Variants in ELMO1 observed in about 807,000 individuals in gnomAD.
ELMO1 encodes the protein engulfment and cell motility 1, also known as engulfment and cell motility protein 1.
Under a neutral mutation model 98.9 loss-of-function variants are expected in ELMO1, and 26 were observed. The observed-to-expected ratio is 0.26, with a 90% CI of 0.19 to 0.36. ELMO1 has a LOEUF of 0.36. Ranked by LOEUF, ELMO1 falls within the 10% of genes least tolerant of loss-of-function variation. The pLI is 1.00. For missense variants in ELMO1, 627 were observed against 935.2 expected, an observed-to-expected ratio of 0.67 and a Z score of 4.30; for synonymous variants, 346 against 346.0, an observed-to-expected ratio of 1.00 and a Z score of 0.00.
chr7:37,221,677 A>G (rs1294540902), intron 10 of ELMO1, among the ~76,000 whole-genome samples: 1 of 151,638 alleles, frequency 6.6e-6, no homozygotes, highest in African/African-American at 2.4e-5. Flanking sequence ...CCATGTATGT[A>G]TATTAAGGGG....
At chr7:37,103,366 A>G (rs73690296) in intron 14 of ELMO1, among the ~76,000 whole-genome samples, 10,154 of 152,164 alleles carry the variant, frequency 0.067, 383 homozygotes, top group Middle Eastern at 0.13. Flanking sequence ...AAGTTCTTTT[A>G]GCATCTCTTT....
intron 1 of ELMO1, among the ~76,000 whole-genome samples, chr7:37,408,223 G>C (rs1803853357): frequency 6.6e-6 from 1 of 152,186 alleles, no homozygotes; most frequent in Admixed American, 6.5e-5. Flanking sequence ...GCCTGGCAGA[G>C]GTTTAATTCT....
intron 5 of ELMO1, among the ~76,000 whole-genome samples, chr7:37,264,842 A>T (rs1796160343): frequency 6.6e-6 from 1 of 152,160 alleles, no homozygotes; most frequent in African/African-American, 2.4e-5. Flanking sequence ...CTCTCTCTTG[A>T]AGATACAAGT....
intron 11 of ELMO1, among the ~76,000 whole-genome samples, chr7:37,214,924 T>C (rs181024220): frequency 6.6e-6 from 1 of 152,192 alleles, no homozygotes; most frequent in Non-Finnish European, 1.5e-5. Context: ...ATGCCACTCA[T>C]ATCTCAGGGC....
intron 15 of ELMO1, among the ~76,000 whole-genome samples, chr7:37,076,622 T>C (rs1160153934): frequency 6.6e-6 from 1 of 152,202 alleles, no homozygotes; most frequent in South Asian, 2.1e-4. Context: ...TGATTCTAAC[T>C]TTTCCTCAAG....
chr7:37,271,795 A>T (rs1212480426), intron 5 of ELMO1, 37 bp downstream of exon 5: 1 of 1,606,856 alleles, frequency 6.2e-7, no homozygotes, highest in Non-Finnish European at 8.5e-7. Flanking sequence ...CGCAGAGCAA[A>T]GAGTTTGCTG....
intron 1 of ELMO1, among the ~76,000 whole-genome samples, chr7:37,381,598 A>G (rs1802584363): frequency 6.6e-6 from 1 of 152,248 alleles, no homozygotes; most frequent in Admixed American, 6.5e-5. Context: ...AGACCATAAG[A>G]TTAACATAAA....
At chr7:37,444,605 C>T (rs1258961661) in intron 1 of ELMO1, among the ~76,000 whole-genome samples, 3 of 152,078 alleles carry the variant, frequency 2.0e-5, no homozygotes, top group Admixed American at 6.5e-5. Flanking sequence ...CTCTGCCTCC[C>T]GGGTTCACTC....
intron 2 of ELMO1, among the ~76,000 whole-genome samples, chr7:37,330,918 T>C (rs1289181747): frequency 2.6e-5 from 4 of 152,168 alleles, no homozygotes; most frequent in Non-Finnish European, 5.9e-5. Context: ...ACCATGATAG[T>C]TGATCTGATA....
At chr7:37,442,600 A>G (rs1805455569) in intron 1 of ELMO1, among the ~76,000 whole-genome samples, 1 of 152,232 alleles carries the variant, frequency 6.6e-6, no homozygotes, top group Non-Finnish European at 1.5e-5. Context: ...CAATATCATG[A>G]GGTTGGCTGA....
chr7:37,408,148 T>C (rs1383800601), intron 1 of ELMO1, among the ~76,000 whole-genome samples: 3 of 152,146 alleles, frequency 2.0e-5, no homozygotes, highest in Non-Finnish European at 4.4e-5. Flanking sequence ...ACTAAAGAAA[T>C]AGCTATCATG....
chr7:37,374,269 A>T (rs925068155), intron 1 of ELMO1, among the ~76,000 whole-genome samples: 1 of 152,172 alleles, frequency 6.6e-6, no homozygotes, highest in Non-Finnish European at 1.5e-5. Context: ...AGAGAAGGAG[A>T]GGGGAGGCTG....
intron 15 of ELMO1, among the ~76,000 whole-genome samples, chr7:37,095,232 C>T (rs772638661): frequency 6.6e-6 from 1 of 152,224 alleles, no homozygotes; most frequent in Non-Finnish European, 1.5e-5. Flanking sequence ...TTCCAGCCAG[C>T]AACTTTCACC....
intron 14 of ELMO1, among the ~76,000 whole-genome samples, chr7:37,099,716 C>A (rs1349749277): frequency 1.3e-5 from 2 of 152,132 alleles, no homozygotes; most frequent in Admixed American, 6.5e-5. Context: ...CAATTGATTT[C>A]CAACAAGTCC....
intron 1 of ELMO1, among the ~76,000 whole-genome samples, chr7:37,346,855 T>C (rs1237857698): frequency 6.6e-6 from 1 of 152,232 alleles, no homozygotes; most frequent in Non-Finnish European, 1.5e-5. Flanking sequence ...AGCTTGTTTT[T>C]CTACCCCTTT....
At chr7:37,220,530 T>C (rs556295780) in intron 10 of ELMO1, among the ~76,000 whole-genome samples, 38 of 152,336 alleles carry the variant, frequency 2.5e-4, no homozygotes, top group African/African-American at 8.9e-4. Flanking sequence ...TTATGTTGCA[T>C]AGTTTTCAAA....
At chr7:37,242,005 T>A (rs185774600) in intron 7 of ELMO1, among the ~76,000 whole-genome samples, 5 of 152,344 alleles carry the variant, frequency 3.3e-5, no homozygotes, top group African/African-American at 1.2e-4. Flanking sequence ...GTCTCTCCAG[T>A]GTGAAGAACT....
chr7:37,429,096 A>T (rs1804825804), intron 1 of ELMO1, among the ~76,000 whole-genome samples: 4 of 152,150 alleles, frequency 2.6e-5, no homozygotes. Flanking sequence ...TGGAGAGGAA[A>T]AGCCAAGTGA....
At chr7:37,213,237 A>T (rs1029728076) in intron 12 of ELMO1, 98 bp downstream of exon 12, 1 of 1,457,800 alleles carries the variant, frequency 6.9e-7, no homozygotes, top group African/African-American at 1.4e-5. Context: ...ATCATATCAA[A>T]CTCTGAAACT....
Sources: allele counts gnomAD v4.1 joint callset (sites outside exome capture counted in the v4.1 genomes callset), GRCh38; gene constraint gnomAD v4.1.1; transcripts MANE v1.5; gene names NCBI Gene and HGNC (gene_info 2026-07-23, HGNC 2026-07-21).